Variants in ITGAD observed in about 807,000 individuals in gnomAD.
The protein encoded by ITGAD is integrin subunit alpha D, also known as integrin alpha-D.
In ITGAD, 105 loss-of-function variants were observed where a neutral mutation model predicts 139.0. That is an observed-to-expected ratio of 0.76 (90% CI 0.65 to 0.89). The LOEUF (loss-of-function observed/expected upper bound fraction) is 0.89, where lower values mean the gene tolerates loss of function less well. Ranked by LOEUF, ITGAD falls within the 40% of genes least tolerant of loss-of-function variation. ITGAD has a pLI of 0.00. For synonymous variants in ITGAD, 569 were observed against 598.3 expected (o/e 0.95, Z 0.71); for missense variants, 1,384 against 1,487.3 (o/e 0.93, Z 1.14).
At position 31,394,315 on chromosome 16, in the gene ITGAD, G is replaced by C. The variant is rs986336422; in HGVS notation, c.111G>C (p.Gln37His). 2 of 1,613,604 alleles carry C rather than the reference G, an allele frequency of 1.2e-6. No homozygotes were observed. The highest frequency in any genetic ancestry group is 4.5e-5 in the East Asian group (2 of 44,838). ...AGGAGGATGCAGGCGGCTTTGGGCA[G>C]AGCGTGGTGCAGTTCGGTGGATCTC... ...IFQEDAGGFG[Q>H]SVVQFGGSRL... The change falls in exon 2 of 30, where the codon CAG becomes CAC. Residue 37 changes from glutamine (Q) to histidine (H), a missense_variant. Transcript: ENST00000389202.
At chr16:31,408,736 G>A in intron 10 of ITGAD, 1 of 495,214 alleles carries the variant, frequency 2.0e-6, no homozygotes, top group Non-Finnish European at 3.7e-6. Context: ...CTCTCAGATA[G>A]CACTAAGCAT....
intron 23 of ITGAD, among the ~76,000 whole-genome samples, chr16:31,419,382 A>T (rs1287972307): frequency 6.6e-6 from 1 of 152,182 alleles, no homozygotes; most frequent in Non-Finnish European, 1.5e-5. Context: ...ACAATTGCCT[A>T]CAATATCCAG....
At chr16:31,420,432 C>T (rs2081986069) in intron 23 of ITGAD, among the ~76,000 whole-genome samples, 1 of 151,888 alleles carries the variant, frequency 6.6e-6, no homozygotes, top group African/African-American at 2.4e-5. Context: ...GAATCTCACT[C>T]TTTCACCCAG....
At chr16:31,406,403 C>A (rs1039842851) in intron 7 of ITGAD, among the ~76,000 whole-genome samples, 4 of 152,174 alleles carry the variant, frequency 2.6e-5, no homozygotes, top group Non-Finnish European at 5.9e-5. Flanking sequence ...TTTGTTACAG[C>A]TGTTATCTAA....
chr16:31,424,273 T>C (rs890467129), intron 28 of ITGAD, 70 bp downstream of exon 28: 3 of 1,579,562 alleles, frequency 1.9e-6, no homozygotes. Flanking sequence ...TGGTGCTGGG[T>C]GGGGGGTTTG....
At chr16:31,422,391 T>C (rs1435494963) in intron 23 of ITGAD, among the ~76,000 whole-genome samples, 1 of 152,206 alleles carries the variant, frequency 6.6e-6, no homozygotes, top group African/African-American at 2.4e-5. Context: ...GGAACACTGA[T>C]GTCCCTTCCA....
intron 2 of ITGAD, among the ~76,000 whole-genome samples, 159 bp from the exon 3 acceptor site, chr16:31,397,200 T>C (rs908252598): frequency 6.6e-6 from 1 of 151,564 alleles, no homozygotes; most frequent in Non-Finnish European, 1.5e-5. Context: ...TGAGTTACAC[T>C]TGGGCCCTGA....
chr16:31,400,196 G>T (rs1340360196), intron 5 of ITGAD, among the ~76,000 whole-genome samples: 1 of 152,244 alleles, frequency 6.6e-6, no homozygotes, highest in African/African-American at 2.4e-5. Flanking sequence ...CTCCTGGGGG[G>T]ATCTGCAGCC....
In ITGAD at chr16:31,418,322, G is replaced by C. The variant is rs746186912; in HGVS notation, c.2638G>C (p.Asp880His). 1.9e-6 allele frequency: 3 copies of C among 1,613,782 alleles called. No individual in the cohort carries two copies. In the South Asian group the frequency reaches 3.3e-5, roughly 18 times the overall value. ...TCAGGGCACCTTCATAGTCACATTC[G>C]ATGTCTCCTACAAGGCCACCCTGGG... ...GSNGTFIVTFDVSYKATLGDR... is the reference protein window; with the variant it reads ...GSNGTFIVTFHVSYKATLGDR... The change falls in exon 22 of 30, where the codon GAT becomes CAT. Residue 880 changes from aspartate to histidine, a missense_variant. By Grantham distance (81) the Asp-to-His change is moderately conservative (BLOSUM62 -1). Coordinates refer to ENST00000389202, the MANE Select transcript of ITGAD (RefSeq NM_005353.3).
chr16:31,394,277 C>G lies in ITGAD; in HGVS notation c.73C>G (p.Pro25Ala), dbSNP rs1429185321. 1 of 1,613,980 alleles carries G rather than the reference C, an allele frequency of 6.2e-7. No individual in the cohort carries two copies. Residue 25 changes from proline (P) to alanine (A), a missense_variant, in exon 2 of 30, where the codon CCT becomes GCT. Physicochemically the swap from Pro to Ala is conservative, Grantham distance 27. Coordinates refer to ENST00000389202, the MANE Select transcript of ITGAD (RefSeq NM_005353.3). Reference protein sequence around the residue: ...YHGFNLDVEEPTIFQEDAGGF... With the variant: ...YHGFNLDVEEATIFQEDAGGF... ...TGGATTCAACCTGGATGTGGAGGAG[C>G]CTACGATCTTCCAGGAGGATGCAGG... is the stretch of plus-strand genomic sequence containing the variant.
At chr16:31,410,918 G>T (rs1301406311) in intron 12 of ITGAD, 40 bp downstream of exon 12, 1 of 1,606,866 alleles carries the variant, frequency 6.2e-7, no homozygotes. Context: ...ATGAGGGTGG[G>T]GAGGATGAGG....
chr16:31,416,747 GCT>G (rs148435864), intron 20 of ITGAD, 101 bp downstream of exon 20: 20,164 of 993,948 alleles, frequency 0.02, no homozygotes, highest in South Asian at 0.045. Context: ...GATGATATGT[GCT>G]CTCTCTCTCT....
At position 31,407,509 on chromosome 16, in the gene ITGAD, C is replaced by A. The variant is rs1009240604; in HGVS notation, c.705-6C>A. On this transcript the variant is annotated splice_region_variant and splice_polypyrimidine_tract_variant and intron_variant, in intron 7 of 29. Transcript: ENST00000389202. ...AGTAGAGTCATCTTCCTTTCCTCCC[C>A]GACAGGACACAGCTATTTCATCATA... 4 of 1,567,498 alleles carry A rather than the reference C, an allele frequency of 2.6e-6. No individual in the cohort carries two copies. In the African/African-American group the frequency reaches 4.1e-5, roughly 16 times the overall value.
At position 31,418,128 on chromosome 16, in the gene ITGAD, G is replaced by A. The variant is rs1216836960; in HGVS notation, c.2553G>A (p.Glu851=). ...LRLACETVPT[E]DEGLRSSRCS... Reference sequence around the variant, plus strand: ...TGGCATGTGAGACAGTGCCCACTGAGGATGAGGGCCTAAGAAGCAGCCGCT... The same window carrying A: ...TGGCATGTGAGACAGTGCCCACTGAAGATGAGGGCCTAAGAAGCAGCCGCT... Residue 851 remains glutamate (E), a synonymous_variant, in exon 21 of 30, where the codon GAG becomes GAA. Coordinates refer to ENST00000389202, the MANE Select transcript of ITGAD (RefSeq NM_005353.3). The A allele has an allele frequency of 6.2e-7, 1 of 1,613,968 alleles. No individual in the cohort carries two copies. The highest frequency in any genetic ancestry group is 1.3e-5 in the African/African-American group (1 of 74,876).
rs2082058777 is a variant in ITGAD, at chr16:31,423,935, C to A, written c.3136C>A (p.Leu1046Ile). The A allele has an allele frequency of 1.2e-6, 2 of 1,614,206 alleles. No individual in the cohort carries two copies. The highest frequency in any genetic ancestry group is 1.7e-6 in the Non-Finnish European group (2 of 1,180,044). ...GCTGGATTTCACCCTGAAGGGCAAT[C>A]TCAGTTTCGGCTGGGTCCGCGAGGT... is the stretch of plus-strand genomic sequence containing the variant. Reference protein sequence around the residue: ...EELDFTLKGNLSFGWVRETLQ... With the variant: ...EELDFTLKGNISFGWVRETLQ... The change falls in exon 27 of 30, where the codon CTC (leucine) becomes ATC (isoleucine). Residue 1046 changes from leucine to isoleucine, a missense_variant. Transcript: ENST00000389202.
chr16:31,397,381 G>C lies in ITGAD; in HGVS notation c.160G>C (p.Glu54Gln). 1.9e-6 allele frequency: 3 copies of C among 1,603,144 alleles called. No homozygotes were observed. Among genetic ancestry groups the C allele is most frequent in the Non-Finnish European group, 2.6e-6 (3 of 1,175,342 alleles). The change falls in exon 3 of 30, where the codon GAG (glutamate) becomes CAG (glutamine). Residue 54 changes from glutamate to glutamine, a missense_variant. By Grantham distance (29) the Glu-to-Gln change is conservative (BLOSUM62 2). Transcript: ENST00000389202. ...GSRLVVGAPLEVVAANQTGRL... is the reference protein window; with the variant it reads ...GSRLVVGAPLQVVAANQTGRL... ...CAGACTCGTGGTGGGAGCACCCCTG[G>C]AGGTGGTGGCGGCCAACCAGACGGG...
In ITGAD at chr16:31,403,736, G is replaced by A; in HGVS notation, c.704+91G>A. ...ACAGCTCTTCTCAGAGGCTGAGGGA[G>A]GCTCCAGGGAAAGGGGCTACCAAGG... On this transcript the variant is annotated intron_variant, in intron 7 of 29. Transcript: ENST00000389202. The surrounding 1 kb of genome is among the most constrained non-coding windows in gnomAD (Gnocchi z 4.4). 2.0e-6 allele frequency: 3 copies of A among 1,516,798 alleles called. No homozygotes were observed. Among genetic ancestry groups the A allele is most frequent in the South Asian group, 1.2e-5 (1 of 84,050 alleles). 94.0% of individuals were successfully genotyped at this position (1,516,798 alleles called of 1,614,324 possible). A position where few individuals can be genotyped will look rare whatever the true frequency, so the allele number is the denominator to read the frequency against.
chr16:31,410,765 G>C lies in ITGAD; in HGVS notation c.1243G>C (p.Gly415Arg), dbSNP rs372847451. Residue 415 changes from glycine (G) to arginine (R), a missense_variant, in exon 12 of 30, where the codon GGG becomes CGG. Gly to Arg is a moderately radical substitution (Grantham distance 125). Coordinates refer to ENST00000389202, the MANE Select transcript of ITGAD (RefSeq NM_005353.3). ...CTCCACCGAGCTAGCCCTGTGGAAG[G>C]GGGTACAGAACCTGGTCCTGGGGGC... ...GYSTELALWK[G>R]VQNLVLGAPR... 217 of 1,613,272 alleles carry C rather than the reference G, an allele frequency of 1.3e-4. No individual in the cohort carries two copies. In the East Asian group the frequency reaches 3.2e-3, roughly 24 times the overall value.
At chr16:31,425,137 T>A (rs1213391345) in intron 29 of ITGAD, among the ~76,000 whole-genome samples, 1 of 152,114 alleles carries the variant, frequency 6.6e-6, no homozygotes, top group African/African-American at 2.4e-5. Flanking sequence ...AGTGGCACAA[T>A]CTCAGCTCAC....
Sources: allele counts gnomAD v4.1 joint callset (sites outside exome capture counted in the v4.1 genomes callset), GRCh38; gene constraint gnomAD v4.1.1; non-coding constraint Gnocchi (gnomAD v3.1); transcripts MANE v1.5; gene names NCBI Gene and HGNC (gene_info 2026-07-23, HGNC 2026-07-21).